Variants in BARD1 observed in about 807,000 individuals in gnomAD.
BARD1 encodes BRCA1 associated RING domain 1, also known as BRCA1-associated RING domain protein 1.
In BARD1, 73 loss-of-function variants were observed where a neutral mutation model predicts 77.0. The ratio of observed to expected loss-of-function variants is 0.95; its 90% CI spans 0.79 to 1.15. BARD1 has a LOEUF of 1.15. Among genes scored for constraint, BARD1 ranks in the 50% most tolerant of loss-of-function variants. The pLI is 0.00. For synonymous variants in BARD1, 384 were observed against 338.0 expected (o/e 1.14, Z -1.49); for missense variants, 993 against 938.8 (o/e 1.06, Z -0.75).
rs747582517 is a variant in BARD1, at chr2:214,809,412, C to T, written c.158G>A (p.Cys53Tyr). 2 of 1,612,452 alleles carry T rather than the reference C, an allele frequency of 1.2e-6. No homozygotes were observed. Among genetic ancestry groups the T allele is most frequent in the East Asian group, 2.2e-5 (1 of 44,838 alleles). ...CACCCCCAAGAAGCTCCGTCTTTAC[C>T]AACGCGAGCAGCGCAGCAGCTTCTC... is the stretch of plus-strand genomic sequence containing the variant. ...RLEKLLRCSR[C>Y]TNILREPVCL... Residue 53 changes from cysteine to tyrosine, a missense_variant and splice_region_variant, in exon 1 of 11, where the codon TGT (cysteine) becomes TAT (tyrosine). Cys to Tyr is a radical substitution (Grantham distance 194, BLOSUM62 -2). Coordinates refer to ENST00000260947, the MANE Select transcript of BARD1 (RefSeq NM_000465.4).
intron 3 of BARD1, among the ~76,000 whole-genome samples, chr2:214,788,717 CTTAATCTAATACCCTTATCCTAAT>C (rs1370219005): frequency 1.3e-5 from 2 of 152,084 alleles, no homozygotes; most frequent in Non-Finnish European, 2.9e-5. Context: ...TTAGGAATCA[CTTAATCTAATACCCTTATCCTAAT>C]GAGATCATTT....
chr2:214,798,633 A>G (rs1695868384), intron 1 of BARD1, among the ~76,000 whole-genome samples: 1 of 151,976 alleles, frequency 6.6e-6, no homozygotes. Flanking sequence ...AGAGTTAACT[A>G]TTTCCAAGCC....
chr2:214,751,107 GTGTGTGTGTGTATATATATATATA>G (rs1214682974), intron 7 of BARD1, among the ~76,000 whole-genome samples: 53 of 10,244 alleles, frequency 5.2e-3, no homozygotes, highest in African/African-American at 0.01. Flanking sequence ...GTGTGTGTGT[GTGTGTGTGTGTATATATATATATA>G]TATATATATA....
intron 5 of BARD1, among the ~76,000 whole-genome samples, 176 bp downstream of exon 5, chr2:214,769,056 G>C (rs746291006): frequency 6.6e-6 from 1 of 152,190 alleles, no homozygotes; most frequent in Non-Finnish European, 1.5e-5. Context: ...TTTCTTGCCT[G>C]TCACAAATGA....
intron 9 of BARD1, among the ~76,000 whole-genome samples, chr2:214,741,873 C>G (rs1200093971): frequency 6.6e-6 from 1 of 152,066 alleles, no homozygotes; most frequent in Non-Finnish European, 1.5e-5. Context: ...CAGAACACTT[C>G]AACAGAAAAC....
Position 214,791,598 on chromosome 2 carries a change from CAG to C in BARD1, c.364+697_364+698del, listed in dbSNP as rs569276054. Among the ~76,000 whole-genome samples, 4 of 152,274 alleles carry C rather than the reference CAG, an allele frequency of 2.6e-5. No homozygotes were observed. In the South Asian group the frequency reaches 6.2e-4, roughly 24 times the overall value. On this transcript the variant is annotated intron_variant, in intron 3 of 10. Coordinates refer to ENST00000260947, the MANE Select transcript of BARD1 (RefSeq NM_000465.4). ...AATGGAAAGATACACAGTTAATACA[CAG>C]AGTCTAAGGACAATTTAAAAAACGT...
intron 5 of BARD1, among the ~76,000 whole-genome samples, chr2:214,768,050 C>G (rs1694300145): frequency 6.6e-6 from 1 of 152,136 alleles, no homozygotes; most frequent in African/African-American, 2.4e-5. Flanking sequence ...TATCATGCAA[C>G]AAAGTAAGTA....
At chr2:214,773,380 T>C (rs1291990390) in intron 4 of BARD1, among the ~76,000 whole-genome samples, 2 of 152,138 alleles carry the variant, frequency 1.3e-5, no homozygotes, top group African/African-American at 4.8e-5. Flanking sequence ...TTAGATGCCA[T>C]TAAAACAAAC....
At chr2:214,803,213 G>C (rs1342185200) in intron 1 of BARD1, among the ~76,000 whole-genome samples, 1 of 151,882 alleles carries the variant, frequency 6.6e-6, no homozygotes, top group African/African-American at 2.4e-5. Context: ...AGGAAAGCCA[G>C]GTATTGTCCA....
At chr2:214,777,497 G>C (rs1574809950) in intron 4 of BARD1, among the ~76,000 whole-genome samples, 2 of 152,262 alleles carry the variant, frequency 1.3e-5, no homozygotes, top group South Asian at 4.1e-4. Context: ...TATAGAAACT[G>C]CAAGTTTACC....
chr2:214,751,986 T>C (rs2106037483), intron 7 of BARD1, among the ~76,000 whole-genome samples: 1 of 152,252 alleles, frequency 6.6e-6, no homozygotes, highest in African/African-American at 2.4e-5. Context: ...CATTCAGGCT[T>C]CAATTCAAAT....
intron 9 of BARD1, among the ~76,000 whole-genome samples, chr2:214,744,017 C>T (rs1437196558): frequency 6.6e-6 from 1 of 152,070 alleles, no homozygotes; most frequent in African/African-American, 2.4e-5. Flanking sequence ...CTTTTGTAAA[C>T]AATTAATAAA....
At chr2:214,790,306 T>C (rs1695458247) in intron 3 of BARD1, among the ~76,000 whole-genome samples, 1 of 152,070 alleles carries the variant, frequency 6.6e-6, no homozygotes, top group Non-Finnish European at 1.5e-5. Flanking sequence ...CCCCAGTAAC[T>C]TAGAATGTGA....
At chr2:214,772,244 C>T (rs1694534795) in intron 4 of BARD1, among the ~76,000 whole-genome samples, 1 of 152,068 alleles carries the variant, frequency 6.6e-6, no homozygotes, top group African/African-American at 2.4e-5. Flanking sequence ...GGTGTGAGCC[C>T]CTGCAACTTT....
At chr2:214,804,059 A>G (rs1345701345) in intron 1 of BARD1, among the ~76,000 whole-genome samples, 2 of 152,222 alleles carry the variant, frequency 1.3e-5, no homozygotes, top group Non-Finnish European at 2.9e-5. Context: ...AATATTAGGC[A>G]AGACAGCTCC....
intron 4 of BARD1, among the ~76,000 whole-genome samples, chr2:214,776,321 TTAG>T (rs1694736080): frequency 6.6e-6 from 1 of 152,190 alleles, no homozygotes; most frequent in African/African-American, 2.4e-5. Context: ...CTCTATATCC[TTAG>T]TATTTTGTTT....
intron 7 of BARD1, among the ~76,000 whole-genome samples, chr2:214,751,131 ATATATATATATATATATATATTTT>A (rs1693407730): frequency 2.8e-5 from 1 of 35,566 alleles, no homozygotes; most frequent in African/African-American, 1.1e-4. Flanking sequence ...ATATATATAT[ATATATATATATATATATATATTTT>A]TTTTTTTTTT....
intron 9 of BARD1, among the ~76,000 whole-genome samples, chr2:214,741,301 AT>A (rs1292713677): frequency 6.6e-6 from 1 of 152,146 alleles, no homozygotes; most frequent in African/African-American, 2.4e-5. Context: ...GATGACAGCC[AT>A]CTGTTCTCCC....
In BARD1 at chr2:214,767,400, ATT is replaced by A. The variant is rs5031008; in HGVS notation, c.1568+80_1568+81del. The A allele has an allele frequency of 0.36, 491,393 of 1,374,898 alleles. 88,261 individuals are homozygous for A. Among genetic ancestry groups the A allele is most frequent in the South Asian group, 0.4 (33,927 of 84,098 alleles). The allele number at this position is 1,374,898 out of a possible 1,614,324, so 85.2% of individuals were successfully genotyped here. On this transcript the variant is annotated intron_variant, in intron 6 of 10. Transcript: ENST00000260947. ...AGTGAAGAAAGCCATCAACTTGACT[ATT>A]TTAAAGTCTGCTTTATCACACACCT...
Sources: allele counts gnomAD v4.1 joint callset (sites outside exome capture counted in the v4.1 genomes callset), GRCh38; gene constraint gnomAD v4.1.1; transcripts MANE v1.5; gene names NCBI Gene and HGNC (gene_info 2026-07-23, HGNC 2026-07-21).